SLC10A7: variants seen among roughly 807,000 people sequenced by gnomAD.
The protein encoded by SLC10A7 is solute carrier family 10 member 7, also known as sodium/bile acid cotransporter 7.
In SLC10A7, 29 loss-of-function variants were observed where a neutral mutation model predicts 43.2. That is an observed-to-expected ratio of 0.67 (90% CI 0.50 to 0.92). The LOEUF (loss-of-function observed/expected upper bound fraction) is 0.92. Among genes scored for constraint, SLC10A7 ranks in the 40% least tolerant of loss-of-function variants. The pLI, the probability that SLC10A7 is intolerant of heterozygous loss-of-function variation, is 0.00. For synonymous variants in SLC10A7, 152 were observed against 144.8 expected, an observed-to-expected ratio of 1.05 and a Z score of -0.35; for missense variants, 295 against 403.2, an observed-to-expected ratio of 0.73 and a Z score of 2.30.
At chr4:146,379,065 T>G (rs1410375240) in intron 5 of SLC10A7, among the ~76,000 whole-genome samples, 1 of 152,220 alleles carries the variant, frequency 6.6e-6, no homozygotes, top group East Asian at 1.9e-4. Flanking sequence ...ACCCAACTTC[T>G]GACCTCAATG....
rs771703130 is a variant in SLC10A7, at chr4:146,496,049, C to A, written c.396+7800G>T. On this transcript the variant is annotated intron_variant, in intron 4 of 11. Coordinates refer to ENST00000335472, the MANE Select transcript of SLC10A7 (RefSeq NM_001029998.6). ...TAGCAAACACAGTCTAGATCTCTAACCTGAAGTTCTGGCTGTCCCACACAG... is the reference window on the plus strand; with the variant it reads ...TAGCAAACACAGTCTAGATCTCTAAACTGAAGTTCTGGCTGTCCCACACAG... Among the ~76,000 whole-genome samples, 5 of 152,300 alleles carry A rather than the reference C, an allele frequency of 3.3e-5. No individual in the cohort carries two copies. The East Asian group carries it at 7.7e-4, about 23-fold the overall frequency.
intron 4 of SLC10A7, among the ~76,000 whole-genome samples, chr4:146,487,852 A>G (rs974721692): frequency 6.6e-6 from 1 of 151,856 alleles, no homozygotes; most frequent in Non-Finnish European, 1.5e-5. Context: ...GTTTGAGCCC[A>G]GGAGTTGGAG....
Position 146,442,547 on chromosome 4 carries a change from T to C in SLC10A7, c.435+236A>G. ...GGAGACACATAGTGTTTTAATTGAT[T>C]CCTTGAATTCATTAAATGGAATTTT... On this transcript the variant is annotated intron_variant, in intron 5 of 11. Transcript: ENST00000335472. The C allele has an allele frequency of 3.0e-6, 4 of 1,350,758 alleles. No homozygotes were observed. The South Asian group carries it at 6.9e-5, about 23-fold the overall frequency. 83.7% of individuals were successfully genotyped at this position (1,350,758 alleles called of 1,614,324 possible). A position where few individuals can be genotyped will look rare whatever the true frequency, so the allele number is the denominator to read the frequency against.
chr4:146,431,284 C>T (rs1041056807), intron 5 of SLC10A7, among the ~76,000 whole-genome samples: 11 of 152,136 alleles, frequency 7.2e-5, no homozygotes, highest in Non-Finnish European at 1.3e-4. Context: ...GCTGGATTTA[C>T]AGGGCAAAAA....
intron 5 of SLC10A7, among the ~76,000 whole-genome samples, chr4:146,392,224 C>T (rs1385145809): frequency 1.3e-5 from 2 of 152,146 alleles, no homozygotes; most frequent in African/African-American, 2.4e-5. Flanking sequence ...AGTCATTATG[C>T]ATAACATAAT....
At chr4:146,327,802 C>T (rs563585565) in intron 5 of SLC10A7, among the ~76,000 whole-genome samples, 3 of 152,326 alleles carry the variant, frequency 2.0e-5, no homozygotes, top group Admixed American at 2.0e-4. Flanking sequence ...ATTGATAGCC[C>T]CCACCCCTGT....
At chr4:146,286,695 G>A (rs1326057173) in intron 9 of SLC10A7, among the ~76,000 whole-genome samples, 2 of 143,652 alleles carry the variant, frequency 1.4e-5, no homozygotes, top group South Asian at 2.3e-4. Context: ...GTGGTGAGGA[G>A]GACTGTGTCT....
chr4:146,365,528 T>C (rs913048211), intron 5 of SLC10A7, among the ~76,000 whole-genome samples: 30 of 152,192 alleles, frequency 2.0e-4, no homozygotes, highest in Admixed American at 3.9e-4. Flanking sequence ...GCTTAGAGGT[T>C]TAATTAGTTA....
At chr4:146,475,954 A>G (rs561486682) in intron 4 of SLC10A7, among the ~76,000 whole-genome samples, 3 of 152,332 alleles carry the variant, frequency 2.0e-5, no homozygotes, top group Non-Finnish European at 2.9e-5. Context: ...GTACTAAATC[A>G]TTATGCATTA....
intron 4 of SLC10A7, among the ~76,000 whole-genome samples, chr4:146,469,175 A>T (rs6840496): frequency 0.84 from 128,590 of 152,210 alleles, 54,363 homozygotes; most frequent in East Asian, 0.93. Flanking sequence ...ATGATGCACA[A>T]CTTCTAACCC....
chr4:146,388,015 A>T (rs183767671), intron 5 of SLC10A7, among the ~76,000 whole-genome samples: 1 of 152,224 alleles, frequency 6.6e-6, no homozygotes, highest in South Asian at 2.1e-4. Context: ...CAATCTACAG[A>T]TTCAACGTAA....
intron 6 of SLC10A7, among the ~76,000 whole-genome samples, chr4:146,318,060 A>T (rs901437339): frequency 1.3e-5 from 2 of 151,666 alleles, no homozygotes; most frequent in African/African-American, 4.8e-5. Context: ...GCTCTCCCTT[A>T]TTTTTTCTGT....
intron 1 of SLC10A7, among the ~76,000 whole-genome samples, chr4:146,521,211 T>C (rs1467360706): frequency 6.6e-6 from 1 of 151,944 alleles, no homozygotes; most frequent in East Asian, 1.9e-4. Flanking sequence ...TCCTCCACTT[T>C]TTTTTTTAAT....
At chr4:146,334,290 G>A (rs567964107) in intron 5 of SLC10A7, among the ~76,000 whole-genome samples, 113 of 152,230 alleles carry the variant, frequency 7.4e-4, no homozygotes, top group African/African-American at 2.6e-3. Flanking sequence ...ATAGCTTGGT[G>A]TGGTGATTTA....
chr4:146,310,429 C>T lies in SLC10A7; in HGVS notation c.472-4420G>A, dbSNP rs1161407172. On this transcript the variant is annotated intron_variant, in intron 6 of 11. Coordinates refer to ENST00000335472, the MANE Select transcript of SLC10A7 (RefSeq NM_001029998.6). The stretch of plus-strand genomic sequence containing the variant: ...CACAGACACTGAAGTAATTTACATT[C>T]CCACTAATTGTGCATAAATAAGTGT... Among the ~76,000 whole-genome samples the T allele has an allele frequency of 2.0e-5, 3 of 152,122 alleles. No individual in the cohort carries two copies. The East Asian group carries it at 5.8e-4, about 29-fold the overall frequency.
intron 4 of SLC10A7, among the ~76,000 whole-genome samples, chr4:146,463,544 C>T (rs961773776): frequency 1.3e-5 from 2 of 151,954 alleles, no homozygotes; most frequent in Non-Finnish European, 2.9e-5. Context: ...AGTTCAAGGC[C>T]AGCCTGGGCA....
rs923054698 is a variant in SLC10A7 at position 146,442,142 on chromosome 4, C to CT, written c.435+640dup. ...ATCTTTCATAACACAAATCAAGCCTCTGTTACATCATTTATTTAAAAATAA... is the reference window on the plus strand; with the variant it reads ...ATCTTTCATAACACAAATCAAGCCTCTTGTTACATCATTTATTTAAAAATAA... On this transcript the variant is annotated intron_variant, in intron 5 of 11. Transcript: ENST00000335472. The CT allele has an allele frequency of 5.1e-5, 49 of 968,780 alleles. No homozygotes were observed. The African/African-American group carries it at 8.6e-4, about 17-fold the overall frequency. The allele number at this position is 968,780 out of a possible 1,614,324, so 60.0% of individuals were successfully genotyped here. A position where few individuals can be genotyped will look rare whatever the true frequency, so the allele number is the denominator to read the frequency against.
intron 5 of SLC10A7, among the ~76,000 whole-genome samples, chr4:146,327,779 C>T (rs1214392083): frequency 6.6e-6 from 1 of 152,206 alleles, no homozygotes; most frequent in Non-Finnish European, 1.5e-5. Context: ...GCGCATTGTC[C>T]AGGGGCCTGA....
At chr4:146,404,791 G>A (rs988258881) in intron 5 of SLC10A7, among the ~76,000 whole-genome samples, 1 of 151,988 alleles carries the variant, frequency 6.6e-6, no homozygotes, top group Admixed American at 6.6e-5. Context: ...TCTTTGTTAC[G>A]TGAACTTTGG....
Sources: gnomAD v4.1 joint callset for allele counts (sites outside exome capture counted in the v4.1 genomes callset) on GRCh38, gnomAD v4.1.1 for gene constraint, MANE v1.5 for transcripts, NCBI Gene and HGNC (gene_info 2026-07-23, HGNC 2026-07-21) for gene names.